The following CREBBP variants were observed in gnomAD, a reference collection of about 807,000 sequenced individuals.
CREBBP encodes CREB-binding protein.
CREBBP carries 19 observed loss-of-function variants against 265.0 expected under a neutral mutation model. The observed-to-expected ratio is 0.07, with a 90% CI of 0.05 to 0.11. The LOEUF is 0.11. Among genes scored for constraint, CREBBP ranks in the 10% least tolerant of loss-of-function variants. The pLI, the probability that CREBBP is intolerant of heterozygous loss-of-function variation, is 1.00. For synonymous variants in CREBBP, 1,457 were observed against 1,223.7 expected (o/e 1.19, Z -3.98); for missense variants, 2,525 against 3,219.0 (o/e 0.78, Z 5.22).
intron 19 of CREBBP, among the ~76,000 whole-genome samples, chr16:3,754,459 A>T (rs1447389556): frequency 6.6e-6 from 1 of 152,232 alleles, no homozygotes; most frequent in Admixed American, 6.5e-5. Context: ...CCTGGTGTGA[A>T]GGAAGCAGCT....
chr16:3,853,716 G>A (rs946027920), intron 1 of CREBBP, among the ~76,000 whole-genome samples: 3 of 152,008 alleles, frequency 2.0e-5, no homozygotes, highest in African/African-American at 7.2e-5. Context: ...GCAGGCAGAC[G>A]ATCTGAGGTC....
At chr16:3,742,332 T>C (rs1473804001) in intron 23 of CREBBP, 2 of 152,272 alleles carry the variant, frequency 1.3e-5, no homozygotes, top group African/African-American at 4.8e-5. Context: ...TACTTTTTCA[T>C]CACTCCTTGC....
intron 2 of CREBBP, among the ~76,000 whole-genome samples, chr16:3,824,628 A>G (rs1235848788): frequency 2.0e-5 from 3 of 151,940 alleles, no homozygotes; most frequent in East Asian, 3.9e-4. Context: ...ATGGCCTCCC[A>G]CCTCTGGCCA....
Position 3,728,301 on chromosome 16 carries a change from C to CGCT in CREBBP, c.6743_6745dup (p.Gln2248dup), listed in dbSNP as rs753283086. 120 of 1,611,634 alleles carry CGCT rather than the reference C, an allele frequency of 7.4e-5. No individual in the cohort carries two copies. The highest frequency in any genetic ancestry group is 1.0e-4 in the Admixed American group (6 of 59,930). On this transcript the variant is annotated inframe_insertion, in exon 31 of 31. Coordinates refer to ENST00000262367, the MANE Select transcript of CREBBP (RefSeq NM_004380.3). This position sits in a 1 kb window ranked among gnomAD's most constrained non-coding sequence, Gnocchi z 8.7. ...CTGGAGGGGGAGATGCTGCTGCATG[C>CGCT]GCTGCTGCTGCTGCATGGCCGGTGG... is the stretch of plus-strand genomic sequence containing the variant.
intron 1 of CREBBP, among the ~76,000 whole-genome samples, chr16:3,871,305 TCA>T (rs1030589851): frequency 6.6e-6 from 1 of 151,876 alleles, no homozygotes; most frequent in Non-Finnish European, 1.5e-5. Flanking sequence ...GAGCTGGGAC[TCA>T]CAGTCTACTC....
intron 1 of CREBBP, among the ~76,000 whole-genome samples, chr16:3,862,156 A>G (rs529001967): frequency 6.6e-6 from 1 of 152,238 alleles, no homozygotes; most frequent in African/African-American, 2.4e-5. Context: ...CACGTATGTC[A>G]TATTTTACAG....
chr16:3,828,213 C>A (rs2141403717), intron 2 of CREBBP, among the ~76,000 whole-genome samples: 1 of 152,256 alleles, frequency 6.6e-6, no homozygotes, highest in South Asian at 2.1e-4. Flanking sequence ...CTGCCTCAGC[C>A]TCCCGAGTAG....
chr16:3,768,710 C>G (rs1365298960), intron 15 of CREBBP, among the ~76,000 whole-genome samples: 2 of 152,118 alleles, frequency 1.3e-5, no homozygotes, highest in African/African-American at 4.8e-5. Context: ...TCTCATTTTT[C>G]AAGAAAAGCC....
intron 28 of CREBBP, among the ~76,000 whole-genome samples, chr16:3,734,537 G>A (rs1180817545): frequency 2.0e-5 from 3 of 152,166 alleles, no homozygotes; most frequent in African/African-American, 4.8e-5. Flanking sequence ...TGTCTCGGAC[G>A]CGGTAACCTC....
intron 21 of CREBBP, chr16:3,745,649 T>C: frequency 2.2e-6 from 1 of 460,154 alleles, no homozygotes; most frequent in Non-Finnish European, 4.0e-6. Context: ...GACAAATACA[T>C]ATTTCACAGG....
intron 23 of CREBBP, among the ~76,000 whole-genome samples, chr16:3,744,500 C>T (rs2052293950): frequency 6.6e-6 from 1 of 152,174 alleles, no homozygotes; most frequent in Non-Finnish European, 1.5e-5. Context: ...AACAATCAGG[C>T]CAAATATTCC....
At position 3,731,302 on chromosome 16, in the gene CREBBP, T is replaced by C. The variant is rs1596791850; in HGVS notation, c.5062A>G (p.Thr1688Ala). ...TGCAGCTCCACCAGCATGCAGAGCG[T>C]GGACCACTTGGAGCGGCGCAAGGAG... Reference protein sequence around the residue: ...FSSLRRSKWSTLCMLVELHTQ... With the variant: ...FSSLRRSKWSALCMLVELHTQ... Residue 1688 changes from threonine (T) to alanine (A), a missense_variant, in exon 30 of 31, where the codon ACG (threonine) becomes GCG (alanine). By Grantham distance (58) the Thr-to-Ala change is moderately conservative. Coordinates refer to ENST00000262367, the MANE Select transcript of CREBBP (RefSeq NM_004380.3). This position sits in a 1 kb window ranked among gnomAD's most constrained non-coding sequence, Gnocchi z 7.7. The C allele has an allele frequency of 6.2e-7, 1 of 1,614,134 alleles. No homozygotes were observed.
chr16:3,851,275 C>T (rs1441845012), intron 1 of CREBBP, among the ~76,000 whole-genome samples: 7 of 107,612 alleles, frequency 6.5e-5, no homozygotes, highest in East Asian at 2.6e-4. Flanking sequence ...GCAACAAGAC[C>T]GAAACACCGT....
intron 3 of CREBBP, among the ~76,000 whole-genome samples, chr16:3,805,786 T>TC (rs749691610): frequency 6.6e-6 from 1 of 152,176 alleles, no homozygotes; most frequent in Non-Finnish European, 1.5e-5. Context: ...GCTCATGGTG[T>TC]CAGTGGACAG....
At chr16:3,813,063 A>G (rs2053968379) in intron 2 of CREBBP, 1 of 228,972 alleles carries the variant, frequency 4.4e-6, no homozygotes, top group Admixed American at 5.7e-5. Flanking sequence ...TTCAGCTCTA[A>G]AAGTCTAGGC....
intron 2 of CREBBP, chr16:3,840,669 A>G: frequency 6.0e-6 from 1 of 167,008 alleles, no homozygotes. Flanking sequence ...TTGACTATCA[A>G]CCCTAGTACC....
At chr16:3,810,482 T>A in intron 3 of CREBBP, 121 bp downstream of exon 3, 1 of 1,178,186 alleles carries the variant, frequency 8.5e-7, no homozygotes, top group South Asian at 1.2e-5. Flanking sequence ...AAATCTGGGT[T>A]CTCTTCCTAT....
At position 3,736,284 on chromosome 16, in the gene CREBBP, C is replaced by T. The variant is rs114387993; in HGVS notation, c.4561-81G>A. ...ATGGTGCGACAGACCCCCACGCAAG[C>T]GTGCCCCTCACCATGGTGTGGCAGA... On this transcript the variant is annotated intron_variant, in intron 27 of 30. Transcript: ENST00000262367. 590 of 1,429,872 alleles carry T rather than the reference C, an allele frequency of 4.1e-4. 4 individuals are homozygous for T. The African/African-American group carries it at 7.4e-3, about 18-fold the overall frequency. The allele number at this position is 1,429,872 out of a possible 1,614,324, so 88.6% of individuals were successfully genotyped here.
At chr16:3,879,028 C>T (rs142709241) in intron 1 of CREBBP, among the ~76,000 whole-genome samples, 1 of 7,226 alleles carries the variant, frequency 1.4e-4, no homozygotes, top group African/African-American at 1.7e-4. Context: ...TTCCTACATT[C>T]CTTAATTCTT....
Sources: allele counts gnomAD v4.1 joint callset (sites outside exome capture counted in the v4.1 genomes callset), GRCh38; gene constraint gnomAD v4.1.1; non-coding constraint Gnocchi (gnomAD v3.1); transcripts MANE v1.5; gene names NCBI Gene and HGNC (gene_info 2026-07-23, HGNC 2026-07-21).